Variants in AFF4 observed in about 807,000 individuals in gnomAD.
The protein encoded by AFF4 is AF4/FMR2 family member 4.
Under a neutral mutation model 124.8 loss-of-function variants are expected in AFF4, and 13 were observed. That is an observed-to-expected ratio of 0.10 (90% confidence interval 0.07 to 0.17). The LOEUF (loss-of-function observed/expected upper bound fraction) is 0.17, where lower values mean the gene tolerates loss of function less well. Ranked by LOEUF, AFF4 falls within the 10% of genes least tolerant of loss-of-function variation. AFF4 has a pLI of 1.00. For synonymous variants in AFF4, 477 were observed against 496.1 expected (o/e 0.96, Z 0.51); for missense variants, 1,092 against 1,403.8 (o/e 0.78, Z 3.55).
At chr5:132,912,939 T>C (rs866954321) in intron 5 of AFF4, among the ~76,000 whole-genome samples, 22 of 152,008 alleles carry the variant, frequency 1.4e-4, no homozygotes, top group Non-Finnish European at 2.8e-4. Context: ...TAAGCCCAAC[T>C]GTATAAATAA....
chr5:132,881,760 C>A (rs1759983961), intron 20 of AFF4, among the ~76,000 whole-genome samples: 1 of 151,870 alleles, frequency 6.6e-6, no homozygotes, highest in South Asian at 2.1e-4. Context: ...GATCTCGGTT[C>A]ACTGCAACCC....
At chr5:132,888,320 G>A (rs973069377) in intron 14 of AFF4, among the ~76,000 whole-genome samples, 160 bp from the exon 15 acceptor site, 2 of 151,666 alleles carry the variant, frequency 1.3e-5, no homozygotes, top group African/African-American at 4.8e-5. Flanking sequence ...TTTATATCAG[G>A]TTAAAAGCAT....
intron 5 of AFF4, among the ~76,000 whole-genome samples, chr5:132,918,386 G>A (rs1266101187): frequency 6.6e-6 from 1 of 150,830 alleles, no homozygotes; most frequent in Non-Finnish European, 1.5e-5. Context: ...AATCAGCCAG[G>A]CACAGTGGCT....
In AFF4 at chr5:132,963,420, C is replaced by A. The variant is rs914600854; in HGVS notation, c.-166G>T. On this transcript the variant is annotated 5_prime_UTR_variant, in exon 1 of 21. Coordinates refer to ENST00000265343, the MANE Select transcript of AFF4 (RefSeq NM_014423.4). ...GAGGCGGCGGGGGTTCCGGAGGCCTCGACAAACGAAGGCGGCGTCGGCGGC... is the reference window on the plus strand; with the variant it reads ...GAGGCGGCGGGGGTTCCGGAGGCCTAGACAAACGAAGGCGGCGTCGGCGGC... 31 of 397,996 alleles carry A rather than the reference C, an allele frequency of 7.8e-5. 1 individual carries two copies. Among genetic ancestry groups the A allele is most frequent in the East Asian group, 6.1e-4 (17 of 28,056 alleles). The allele number at this position is 397,996 out of a possible 1,614,324, so 24.7% of individuals were successfully genotyped here.
intron 19 of AFF4, among the ~76,000 whole-genome samples, chr5:132,883,815 A>G (rs573653097): frequency 6.6e-6 from 1 of 152,346 alleles, no homozygotes; most frequent in East Asian, 1.9e-4. Flanking sequence ...TGAAGAAGTC[A>G]TGTACCTTGT....
At chr5:132,908,185 AG>A (rs1188188706) in intron 5 of AFF4, among the ~76,000 whole-genome samples, 1 of 152,128 alleles carries the variant, frequency 6.6e-6, no homozygotes, top group Non-Finnish European at 1.5e-5. Context: ...AAATATGTAT[AG>A]AATATGCATT....
In AFF4 at chr5:132,889,178, C is replaced by A; in HGVS notation, c.2638-5G>T. 6.3e-7 allele frequency: 1 copy of A among 1,596,624 alleles called. No individual in the cohort carries two copies. Among genetic ancestry groups the A allele is most frequent in the Non-Finnish European group, 8.6e-7 (1 of 1,166,632 alleles). On this transcript the variant is annotated splice_polypyrimidine_tract_variant and splice_region_variant and intron_variant, in intron 13 of 20. Transcript: ENST00000265343. ...GGAGCTACTTGGAGCCTTTTCCTGA[C>A]CAAAAAAATATATAACTACAATGAA... is the stretch of plus-strand genomic sequence containing the variant.
Position 132,878,656 on chromosome 5 carries a change from T to G in AFF4, c.*2403A>C, listed in dbSNP as rs1759897734. On this transcript the variant is annotated 3_prime_UTR_variant, in exon 21 of 21. Coordinates refer to ENST00000265343, the MANE Select transcript of AFF4 (RefSeq NM_014423.4). ...TGATCCATTGCCCATTACTACCTTG[T>G]GGGAAAAATCCTCCACAATGAAAAG... The G allele has an allele frequency of 4.4e-6, 1 of 227,720 alleles. No individual in the cohort carries two copies. The highest frequency in any genetic ancestry group is 1.8e-4 in the South Asian group (1 of 5,494). The allele number at this position is 227,720 out of a possible 1,614,324, so 14.1% of individuals were successfully genotyped here.
Position 132,897,150 on chromosome 5 carries a change from T to G in AFF4, c.1480A>C (p.Ser494Arg), listed in dbSNP as rs1760427371. The G allele has an allele frequency of 6.2e-7, 1 of 1,614,130 alleles. No individual in the cohort carries two copies. Among genetic ancestry groups the G allele is most frequent in the Non-Finnish European group, 8.5e-7 (1 of 1,180,050 alleles). ...TAGCCTTGAGATGATGGGATGTTAC[T>G]GTCCACTGAAGAGGCGGGTGACACT... The part of the protein sequence containing the change: ...HKVSPASSVD[S>R]NIPSSQGYKK... Residue 494 changes from serine to arginine, a missense_variant, in exon 11 of 21, where the codon AGT becomes CGT. Around this residue, in one of 11 missense-constraint regions of AFF4, gnomAD observed 7 missense variants for 33.5 expected, o/e 0.21. Transcript: ENST00000265343.
intron 8 of AFF4, 102 bp from the exon 9 acceptor site, chr5:132,899,243 C>A: frequency 9.2e-7 from 1 of 1,084,280 alleles, no homozygotes; most frequent in South Asian, 1.4e-5. Context: ...ACTGGATTCT[C>A]TAATGTATGC....
chr5:132,885,934 T>C (rs1760107756), intron 18 of AFF4, among the ~76,000 whole-genome samples: 1 of 151,966 alleles, frequency 6.6e-6, no homozygotes, highest in Admixed American at 6.6e-5. Context: ...GCACCATGCC[T>C]GGCTAATTTT....
chr5:132,923,607 G>A (rs572204408), intron 5 of AFF4, among the ~76,000 whole-genome samples: 30 of 152,170 alleles, frequency 2.0e-4, no homozygotes, highest in African/African-American at 5.5e-4. Context: ...CCTGTAGTGC[G>A]TGGTAGTCAA....
intron 5 of AFF4, among the ~76,000 whole-genome samples, chr5:132,908,776 A>T (rs71585503): frequency 0.38 from 43,038 of 114,526 alleles, 7,706 homozygotes; most frequent in Non-Finnish European, 0.45. Flanking sequence ...ATATATATAT[A>T]TTTTTTTTTT....
chr5:132,898,491 T>TC (rs1491569158), intron 9 of AFF4, 99 bp from the exon 10 acceptor site: 1 of 96,214 alleles, frequency 1.0e-5, no homozygotes, highest in East Asian at 2.1e-4. Context: ...TCTTCTTGTC[T>TC]TTTTTTTTTT....
intron 5 of AFF4, among the ~76,000 whole-genome samples, chr5:132,916,483 C>A (rs1760914611): frequency 6.6e-6 from 1 of 151,986 alleles, no homozygotes; most frequent in African/African-American, 2.4e-5. Flanking sequence ...CACAGGGGAA[C>A]AGAATCAGCA....
intron 1 of AFF4, among the ~76,000 whole-genome samples, chr5:132,960,064 G>A (rs982550651): frequency 1.3e-5 from 2 of 152,054 alleles, no homozygotes; most frequent in African/African-American, 2.4e-5. Context: ...CAGTAGGAGC[G>A]CTTTTCTTAA....
rs114364786 is a variant in AFF4 at position 132,880,542 on chromosome 5, G to A, written c.*517C>T. ...ATTTCAAATATCAGGTCAGGTAGCA[G>A]GTGTAGAAAGAATATGTCCTTATTT... On this transcript the variant is annotated 3_prime_UTR_variant, in exon 21 of 21. Coordinates refer to ENST00000265343, the MANE Select transcript of AFF4 (RefSeq NM_014423.4). The A allele has an allele frequency of 3.3e-3, 1,286 of 392,088 alleles. 15 individuals are homozygous for A. Among genetic ancestry groups the A allele is most frequent in the African/African-American group, 0.023 (1,104 of 48,562 alleles). The allele number at this position is 392,088 out of a possible 1,614,324, so 24.3% of individuals were successfully genotyped here.
chr5:132,906,133 G>GT, intron 5 of AFF4, among the ~76,000 whole-genome samples: 1 of 152,342 alleles, frequency 6.6e-6, no homozygotes, highest in South Asian at 2.1e-4. Flanking sequence ...GTGTTGACAA[G>GT]TATGTGAAGA....
At chr5:132,947,560 T>G (rs1394524372) in intron 1 of AFF4, among the ~76,000 whole-genome samples, 1 of 152,192 alleles carries the variant, frequency 6.6e-6, no homozygotes, top group Non-Finnish European at 1.5e-5. Context: ...CATTCAACTA[T>G]AAGATTATTG....
Sources: gnomAD v4.1 joint callset for allele counts (sites outside exome capture counted in the v4.1 genomes callset) on GRCh38, gnomAD v4.1.1 for gene constraint, gnomAD v4.1.1 regional missense constraint, MANE v1.5 for transcripts, NCBI Gene and HGNC (gene_info 2026-07-23, HGNC 2026-07-21) for gene names.